Variants in SF3B2 observed in about 807,000 individuals in gnomAD.
SF3B2 encodes SAP 145.
SF3B2 carries 22 observed loss-of-function variants against 116.3 expected under a neutral mutation model. The ratio of observed to expected loss-of-function variants is 0.19; its 90% CI spans 0.14 to 0.27. The LOEUF (loss-of-function observed/expected upper bound fraction) is 0.27, where lower values mean the gene tolerates loss of function less well. Ranked by LOEUF, SF3B2 falls within the 10% of genes least tolerant of loss-of-function variation. The pLI is 1.00. For synonymous variants in SF3B2, 406 were observed against 421.6 expected (o/e 0.96, Z 0.45); for missense variants, 767 against 1,151.4 (o/e 0.67, Z 4.83).
At chr11:66,053,242 A>G (rs193170809) in intron 3 of SF3B2, 138 bp downstream of exon 3, 4 of 826,268 alleles carry the variant, frequency 4.8e-6, no homozygotes, top group Admixed American at 3.9e-5. Flanking sequence ...GTGGGGAAAA[A>G]AAAAGATTCC....
At chr11:66,061,602 G>C (rs1160337266) in intron 14 of SF3B2, 84 bp from the exon 15 acceptor site, 1 of 1,047,158 alleles carries the variant, frequency 9.5e-7, no homozygotes, top group Non-Finnish European at 1.5e-6. Context: ...GCCCTCACTG[G>C]GATTTTATAT....
At chr11:66,061,603 G>T in intron 14 of SF3B2, 83 bp from the exon 15 acceptor site, 1 of 1,058,364 alleles carries the variant, frequency 9.4e-7, no homozygotes, top group Non-Finnish European at 1.5e-6. Context: ...CCCTCACTGG[G>T]ATTTTATATC....
chr11:66,063,775 T>G (rs1461785244), intron 19 of SF3B2, 46 bp downstream of exon 19: 3 of 1,458,470 alleles, frequency 2.1e-6, no homozygotes, highest in Non-Finnish European at 2.8e-6. Context: ...TTCACTTCCC[T>G]TTGGCTGGCT....
At chr11:66,053,230 G>A in intron 3 of SF3B2, 126 bp downstream of exon 3, 1 of 893,288 alleles carries the variant, frequency 1.1e-6, no homozygotes, top group South Asian at 1.4e-5. Context: ...CGCCTGACCT[G>A]AGTGGGGAAA....
chr11:66,053,193 T>G, intron 3 of SF3B2, 89 bp downstream of exon 3: 1 of 1,240,088 alleles, frequency 8.1e-7, no homozygotes, highest in Non-Finnish European at 1.2e-6. Flanking sequence ...CGTGCATGTG[T>G]GAGATGTGAC....
intron 3 of SF3B2, 117 bp from the exon 4 acceptor site, chr11:66,054,959 G>A: frequency 4.2e-6 from 4 of 963,500 alleles, no homozygotes; most frequent in Non-Finnish European, 6.1e-6. Context: ...TTATGGAGTG[G>A]TAACTATGTA....
Position 66,067,952 on chromosome 11 carries a change from G to C in SF3B2, c.2337G>C (p.Glu779Asp). 6.2e-7 allele frequency: 1 copy of C among 1,613,760 alleles called. No homozygotes were observed. Among genetic ancestry groups the C allele is most frequent in the Non-Finnish European group, 8.5e-7 (1 of 1,179,884 alleles). Residue 779 changes from glutamate (E) to aspartate (D), a missense_variant, in exon 20 of 22, where the codon GAG (glutamate) becomes GAC (aspartate). By Grantham distance (45) the Glu-to-Asp change is conservative. Transcript: ENST00000322535. ...KKIEEAMDGSETPQLFTVLPE... is the reference protein window; with the variant it reads ...KKIEEAMDGSDTPQLFTVLPE... ...ATCCCATTGTCCTTCGCAGAAGTGA[G>C]ACACCTCAGCTCTTCACTGTGTTGC... is the stretch of plus-strand genomic sequence containing the variant.
intron 3 of SF3B2, chr11:66,053,887 G>GA (rs562629293): frequency 0.23 from 33,751 of 144,572 alleles, 3,900 homozygotes; most frequent in Middle Eastern, 0.33. Flanking sequence ...CAAAAAATAG[G>GA]AAAAAAAAAA....
intron 21 of SF3B2, 50 bp downstream of exon 21, chr11:66,068,383 C>G: frequency 6.6e-7 from 1 of 1,518,766 alleles, no homozygotes; most frequent in Non-Finnish European, 8.8e-7. Flanking sequence ...GGACCCTGGC[C>G]TGCCGTTTTC....
chr11:66,055,120 T>C lies in SF3B2; in HGVS notation c.303T>C (p.Pro101=). The C allele has an allele frequency of 6.4e-7, 1 of 1,557,418 alleles. No homozygotes were observed. Among genetic ancestry groups the C allele is most frequent in the Non-Finnish European group, 8.7e-7 (1 of 1,147,318 alleles). Residue 101 remains proline (P), a synonymous_variant, in exon 4 of 22, where the codon CCT becomes CCC. Coordinates refer to ENST00000322535, the MANE Select transcript of SF3B2 (RefSeq NM_006842.3). The part of the protein sequence containing the change: ...PMPPPPLGLP[P]LQPPPPPPPP... ...CACCACCACCTTTGGGACTCCCCCC[T>C]CTGCAGCCTCCTCCGCCACCCCCAC...
chr11:66,055,369 T>C, intron 4 of SF3B2, 54 bp downstream of exon 4: 4 of 1,593,114 alleles, frequency 2.5e-6, no homozygotes, highest in Non-Finnish European at 3.4e-6. Context: ...GAAGGGGCAG[T>C]GGAGCCTTAG....
chr11:66,055,807 A>T (rs528278122), intron 5 of SF3B2: 2 of 512,656 alleles, frequency 3.9e-6, no homozygotes, highest in East Asian at 3.1e-5. Flanking sequence ...TAACTTTAAA[A>T]TTTTTTAAGG....
Position 66,063,033 on chromosome 11 carries a change from G to A in SF3B2, c.2002G>A (p.Gly668Ser). 1 of 1,613,936 alleles carries A rather than the reference G, an allele frequency of 6.2e-7. No individual in the cohort carries two copies. The highest frequency in any genetic ancestry group is 8.5e-7 in the Non-Finnish European group (1 of 1,179,838). ...PESCSFGYHA[G>S]GWGKPPVDET... ...GAGCTGTTCCTTTGGGTACCATGCT[G>A]GTGGCTGGGGCAAACCTCCAGTGGA... The change falls in exon 17 of 22, where the codon GGT (glycine) becomes AGT (serine). Residue 668 changes from glycine (G) to serine (S), a missense_variant. Around this residue, in one of 4 missense-constraint regions of SF3B2, gnomAD observed 282 missense variants for 568.0 expected, o/e 0.50. Coordinates refer to ENST00000322535, the MANE Select transcript of SF3B2 (RefSeq NM_006842.3).
chr11:66,064,330 T>G (rs1298865930), intron 19 of SF3B2, among the ~76,000 whole-genome samples: 1 of 152,234 alleles, frequency 6.6e-6, no homozygotes. Context: ...TTTGCTTTGT[T>G]ATTTTAGTTG....
chr11:66,057,928 C>T (rs1455029670), intron 7 of SF3B2, 126 bp from the exon 8 acceptor site: 65 of 683,394 alleles, frequency 9.5e-5, no homozygotes, highest in African/African-American at 7.7e-4. Flanking sequence ...GCCGAGATCG[C>T]GCCATTGCAC....
chr11:66,060,744 G>A lies in SF3B2; in HGVS notation c.1779+13G>A. On this transcript the variant is annotated intron_variant, in intron 14 of 21. Coordinates refer to ENST00000322535, the MANE Select transcript of SF3B2 (RefSeq NM_006842.3). ...CCTGTACTATGAGGTTCGGGAGGGG[G>A]CTGGGAGAGGTCAGGCTGGGCCTTG... is the stretch of plus-strand genomic sequence containing the variant. 1 of 1,613,826 alleles carries A rather than the reference G, an allele frequency of 6.2e-7. No homozygotes were observed. The highest frequency in any genetic ancestry group is 8.5e-7 in the Non-Finnish European group (1 of 1,179,786).
chr11:66,058,212 A>AT, intron 8 of SF3B2, 62 bp downstream of exon 8: 1 of 1,579,296 alleles, frequency 6.3e-7, no homozygotes, highest in Non-Finnish European at 8.7e-7. Flanking sequence ...CTGAGTCCTC[A>AT]TCCCTCTGTC....
chr11:66,067,415 C>G (rs1473501822), intron 19 of SF3B2: 6 of 456,108 alleles, frequency 1.3e-5, no homozygotes, highest in Non-Finnish European at 2.2e-5. Context: ...GTCACCTCTT[C>G]CAGCGGGAGA....
intron 19 of SF3B2, chr11:66,064,724 C>G (rs1565092001): frequency 6.6e-6 from 1 of 152,122 alleles, no homozygotes; most frequent in Non-Finnish European, 1.5e-5. Flanking sequence ...AATCTCAGTA[C>G]TCTCAGTACT....
Sources: allele counts gnomAD v4.1 joint callset (sites outside exome capture counted in the v4.1 genomes callset), GRCh38; gene constraint gnomAD v4.1.1; regional missense constraint gnomAD v4.1.1; transcripts MANE v1.5; gene names NCBI Gene and HGNC (gene_info 2026-07-23, HGNC 2026-07-21).